Variants in SNPH observed in about 807,000 individuals in gnomAD.
SNPH encodes syntaphilin.
In SNPH, 10 loss-of-function variants were observed where a neutral mutation model predicts 36.8. The observed-to-expected ratio is 0.27, with a 90% confidence interval of 0.17 to 0.46. The LOEUF is 0.46. Ranked by LOEUF, SNPH falls within the 20% of genes least tolerant of loss-of-function variation. The probability of loss-of-function intolerance (pLI) is 1.00; values close to 1 mark genes in which losing one functional copy is unlikely to be tolerated. For missense variants in SNPH, 622 were observed against 744.0 expected (o/e 0.84, Z 1.91); for synonymous variants, 281 against 312.2 (o/e 0.90, Z 1.05).
At position 1,285,039 on chromosome 20, in the gene SNPH, A is replaced by T. The variant is rs1555562; in HGVS notation, c.-492-9912A>T. On this transcript the variant is annotated intron_variant, in intron 2 of 6. Transcript: ENST00000381867. This position sits in a 1 kb window ranked among gnomAD's most constrained non-coding sequence, Gnocchi z 4.9. ...ATGCCGAAAGGTGTCAGATTCTGTG[A>T]CTGTGTCGCCTCAGTTTCCTTATCT... Among the ~76,000 whole-genome samples, 104,932 of 151,950 alleles carry T rather than the reference A, an allele frequency of 0.69. 37,005 individuals carry two copies. Among genetic ancestry groups the T allele is most frequent in the Non-Finnish European group, 0.78 (53,232 of 67,972 alleles).
chr20:1,272,756 T>A (rs912109), intron 2 of SNPH, among the ~76,000 whole-genome samples: 150,520 of 152,372 alleles, frequency 0.99, 74,369 homozygotes, highest in East Asian at 1. Context: ...CTTGTTTGCA[T>A]GGCTAGGGCA....
rs1214365014 is a variant in SNPH at position 1,300,705 on chromosome 20, A to G, written c.434A>G (p.Gln145Arg). 2.5e-6 allele frequency: 4 copies of G among 1,610,660 alleles called. No individual in the cohort carries two copies. The highest frequency in any genetic ancestry group is 4.5e-5 in the East Asian group (2 of 44,872). Residue 145 changes from glutamine (Q) to arginine (R), a missense_variant, in exon 6 of 7, where the codon CAG (glutamine) becomes CGG (arginine). By Grantham distance (43) the Gln-to-Arg change is conservative (BLOSUM62 1). Transcript: ENST00000381867. ...CTGAAGGACACACAGGACCGGCTCC[A>G]GGACCGGTGAGCGGGTGGCCACGAG... is the stretch of plus-strand genomic sequence containing the variant. ...ARLKDTQDRL[Q>R]DRDTEIDDLK...
In SNPH at chr20:1,305,806, G is replaced by C. The variant is rs770777277; in HGVS notation, c.1369G>C (p.Ala457Pro). The C allele has an allele frequency of 4.4e-6, 7 of 1,593,360 alleles. No individual in the cohort carries two copies. Among genetic ancestry groups the C allele is most frequent in the Non-Finnish European group, 6.0e-6 (7 of 1,170,242 alleles). The change falls in exon 7 of 7, where the codon GCT becomes CCT. Residue 457 changes from alanine to proline, a missense_variant. Physicochemically the swap from Ala to Pro is conservative, Grantham distance 27 (BLOSUM62 -1). Around this residue, in one of 3 missense-constraint regions of SNPH, gnomAD observed 379 missense variants for 427.9 expected, o/e 0.89. Coordinates refer to ENST00000381867, the MANE Select transcript of SNPH (RefSeq NM_001318234.2). The stretch of plus-strand genomic sequence containing the variant: ...GGAAGAGGAGGAGGAGGCTGCCGTG[G>C]CTGAGAAGGAGCCCAAGAGCTACTG... ...PMEEEEEAAV[A>P]EKEPKSYWSR...
At chr20:1,289,450 A>G (rs6041150) in intron 2 of SNPH, among the ~76,000 whole-genome samples, 123,331 of 151,296 alleles carry the variant, frequency 0.82, 50,840 homozygotes, top group African/African-American at 0.87. Flanking sequence ...GCCATTCTGG[A>G]AGAGTCTCTA....
At chr20:1,279,971 C>T (rs567455165) in intron 2 of SNPH, among the ~76,000 whole-genome samples, 10 of 152,088 alleles carry the variant, frequency 6.6e-5, no homozygotes, top group Admixed American at 2.6e-4. Flanking sequence ...ACAGCAAGGG[C>T]GAGGAGCGTG....
intron 2 of SNPH, among the ~76,000 whole-genome samples, chr20:1,283,383 G>C (rs940366257): frequency 1.3e-5 from 2 of 151,986 alleles, no homozygotes; most frequent in African/African-American, 4.8e-5. Context: ...AATGAGACTC[G>C]ACCAGAAAAG....
At chr20:1,297,390 G>T in intron 5 of SNPH, 138 bp downstream of exon 5, 1 of 672,910 alleles carries the variant, frequency 1.5e-6, no homozygotes, top group Non-Finnish European at 2.5e-6. Context: ...ACCTTGAGCA[G>T]ATCATTTCTC....
At chr20:1,292,643 G>T (rs2088376838) in intron 2 of SNPH, among the ~76,000 whole-genome samples, 3 of 152,116 alleles carry the variant, frequency 2.0e-5, no homozygotes, top group Admixed American at 2.0e-4. Flanking sequence ...TAAAGCACTT[G>T]CATGGCTTCC....
chr20:1,302,908 G>A (rs1600265167), intron 6 of SNPH, among the ~76,000 whole-genome samples: 1 of 152,352 alleles, frequency 6.6e-6, no homozygotes, highest in East Asian at 1.9e-4. Flanking sequence ...GGATCTGCGT[G>A]GCCTTTTGCA....
At chr20:1,298,354 G>A (rs901396574) in intron 5 of SNPH, among the ~76,000 whole-genome samples, 2 of 152,178 alleles carry the variant, frequency 1.3e-5, no homozygotes, top group Non-Finnish European at 2.9e-5. Flanking sequence ...AGCACCTCCT[G>A]GGAGGACTCA....
intron 2 of SNPH, among the ~76,000 whole-genome samples, chr20:1,269,343 A>G (rs886187093): frequency 6.6e-6 from 1 of 152,216 alleles, no homozygotes; most frequent in African/African-American, 2.4e-5. Context: ...GTCATTTATG[A>G]AGTCCCAGAC....
intron 2 of SNPH, among the ~76,000 whole-genome samples, chr20:1,286,334 A>C (rs893768604): frequency 3.3e-5 from 5 of 152,172 alleles, no homozygotes; most frequent in African/African-American, 1.2e-4. Flanking sequence ...GAAAGAATTC[A>C]GCATGGCATG....
rs765851209 is a variant in SNPH, at chr20:1,306,243, G to A, written c.*189G>A. On this transcript the variant is annotated 3_prime_UTR_variant, in exon 7 of 7. Coordinates refer to ENST00000381867, the MANE Select transcript of SNPH (RefSeq NM_001318234.2). Reference sequence around the variant, plus strand: ...TTGGAGAAAGGCATCCCAAAGCTTCGATGGAGAGCAGGGAAGGGGGACCCA... The same window carrying A: ...TTGGAGAAAGGCATCCCAAAGCTTCAATGGAGAGCAGGGAAGGGGGACCCA... 6 of 502,898 alleles carry A rather than the reference G, an allele frequency of 1.2e-5. No individual in the cohort carries two copies. The South Asian group carries it at 2.2e-4, about 18-fold the overall frequency. The allele number at this position is 502,898 out of a possible 1,614,324, so 31.2% of individuals were successfully genotyped here.
At position 1,305,424 on chromosome 20, in the gene SNPH, C is replaced by T. The variant is rs759710638; in HGVS notation, c.987C>T (p.Pro329=). 1.2e-6 allele frequency: 2 copies of T among 1,613,154 alleles called. No individual in the cohort carries two copies. Among genetic ancestry groups the T allele is most frequent in the East Asian group, 2.2e-5 (1 of 44,882 alleles). ...TSLHSSFGLG[P]RFPASNTYEK... ...TGCACAGCTCCTTCGGCCTGGGCCC[C>T]CGCTTCCCTGCCAGCAACACCTATG... The change falls in exon 7 of 7, where the codon CCC becomes CCT. Residue 329 remains proline (P), a synonymous_variant. Coordinates refer to ENST00000381867, the MANE Select transcript of SNPH (RefSeq NM_001318234.2).
intron 6 of SNPH, 98 bp downstream of exon 6, chr20:1,300,809 G>A: frequency 8.0e-7 from 1 of 1,250,840 alleles, no homozygotes; most frequent in Admixed American, 2.7e-5. Context: ...AGGAGTGGCT[G>A]GGGGTCTCCC....
Position 1,296,197 on chromosome 20 carries a change from C to A in SNPH, c.-43C>A. 1 of 1,454,394 alleles carries A rather than the reference C, an allele frequency of 6.9e-7. No homozygotes were observed. The allele number at this position is 1,454,394 out of a possible 1,614,324, so 90.1% of individuals were successfully genotyped here. A position where few individuals can be genotyped will look rare whatever the true frequency, so the allele number is the denominator to read the frequency against. On this transcript the variant is annotated 5_prime_UTR_variant, in exon 4 of 7. Coordinates refer to ENST00000381867, the MANE Select transcript of SNPH (RefSeq NM_001318234.2). ...TGGAGGCAGCCGTGGTCTGCCAGGC[C>A]CTCGCTCCTGGGGTGTCCTGCCGAA...
chr20:1,297,177 C>T lies in SNPH; in HGVS notation c.215C>T (p.Ala72Val). ...RTSPPVSVRD[A>V]YGTSSLSSSS... ...TCTCCACCTGTGAGCGTGCGGGATG[C>T]CTACGGCACCTCTTCGCTCAGCAGC... The change falls in exon 5 of 7, where the codon GCC becomes GTC. Residue 72 changes from alanine to valine, a missense_variant. Around this residue, in one of 3 missense-constraint regions of SNPH, gnomAD observed 187 missense variants for 209.4 expected, o/e 0.89. Coordinates refer to ENST00000381867, the MANE Select transcript of SNPH (RefSeq NM_001318234.2). The T allele has an allele frequency of 6.2e-7, 1 of 1,613,782 alleles. No individual in the cohort carries two copies. The highest frequency in any genetic ancestry group is 8.5e-7 in the Non-Finnish European group (1 of 1,179,944).
At chr20:1,287,099 C>A (rs1366580036) in intron 2 of SNPH, among the ~76,000 whole-genome samples, 1 of 152,192 alleles carries the variant, frequency 6.6e-6, no homozygotes. Flanking sequence ...TTAGGGAGAT[C>A]TTTATTTCTC....
In SNPH at chr20:1,306,239, C is replaced by A; in HGVS notation, c.*185C>A. ...GGGGTTGGAGAAAGGCATCCCAAAG[C>A]TTCGATGGAGAGCAGGGAAGGGGGA... On this transcript the variant is annotated 3_prime_UTR_variant, in exon 7 of 7. Transcript: ENST00000381867. 2.0e-6 allele frequency: 1 copy of A among 509,690 alleles called. No homozygotes were observed. Among genetic ancestry groups the A allele is most frequent in the Non-Finnish European group, 3.2e-6 (1 of 313,498 alleles). The allele number at this position is 509,690 out of a possible 1,614,324, so 31.6% of individuals were successfully genotyped here. A position where few individuals can be genotyped will look rare whatever the true frequency, so the allele number is the denominator to read the frequency against.
Sources: allele counts gnomAD v4.1 joint callset (sites outside exome capture counted in the v4.1 genomes callset), GRCh38; gene constraint gnomAD v4.1.1; regional missense constraint gnomAD v4.1.1; non-coding constraint Gnocchi (gnomAD v3.1); transcripts MANE v1.5; gene names NCBI Gene and HGNC (gene_info 2026-07-23, HGNC 2026-07-21).